PLPP7: variants seen among roughly 807,000 people sequenced by gnomAD.
PLPP7 encodes phospholipid phosphatase 7 (inactive).
PLPP7 carries 11 observed loss-of-function variants against 16.9 expected under a neutral mutation model. The ratio of observed to expected loss-of-function variants is 0.65; its 90% CI spans 0.41 to 1.08. The LOEUF is 1.08. Among genes scored for constraint, PLPP7 ranks in the 50% least tolerant of loss-of-function variants. PLPP7 has a pLI of 0.00. For synonymous variants in PLPP7, 174 were observed against 175.1 expected (o/e 0.99, Z 0.05); for missense variants, 358 against 397.1 (o/e 0.90, Z 0.84).
intron 1 of PLPP7, among the ~76,000 whole-genome samples, chr9:131,301,713 A>G (rs1372097975): frequency 6.6e-6 from 1 of 152,108 alleles, no homozygotes; most frequent in Non-Finnish European, 1.5e-5. Context: ...GTATGCTGTC[A>G]GCCACCACAC....
chr9:131,305,534 AC>A (rs1376611718), intron 1 of PLPP7, among the ~76,000 whole-genome samples: 1 of 152,046 alleles, frequency 6.6e-6, no homozygotes, highest in Non-Finnish European at 1.5e-5. Context: ...AGCCTGGGCA[AC>A]AGAAAGAGAC....
intron 1 of PLPP7, among the ~76,000 whole-genome samples, chr9:131,304,714 T>C (rs1835835094): frequency 6.6e-6 from 1 of 152,174 alleles, no homozygotes. Flanking sequence ...TCAACTACGT[T>C]TGGAGACTGT....
chr9:131,289,886 G>T lies in PLPP7; in HGVS notation c.-112G>T. On this transcript the variant is annotated 5_prime_UTR_variant, in exon 1 of 2. Transcript: ENST00000372264. ...CACACTATATTTAACAGCTGCGGCGGAGAAGGCAGGGAGGCAGCCACGGTG... is the reference window on the plus strand; with the variant it reads ...CACACTATATTTAACAGCTGCGGCGTAGAAGGCAGGGAGGCAGCCACGGTG... 1 of 827,000 alleles carries T rather than the reference G, an allele frequency of 1.2e-6. No individual in the cohort carries two copies. Among genetic ancestry groups the T allele is most frequent in the Non-Finnish European group, 1.7e-6 (1 of 589,642 alleles). 51.2% of individuals were successfully genotyped at this position (827,000 alleles called of 1,614,324 possible).
chr9:131,304,432 C>T (rs1333010522), intron 1 of PLPP7, among the ~76,000 whole-genome samples: 1 of 152,146 alleles, frequency 6.6e-6, no homozygotes, highest in Non-Finnish European at 1.5e-5. Context: ...GTCAGGAGTT[C>T]GAGACCAGCC....
chr9:131,291,557 CT>C (rs940950338), intron 1 of PLPP7: 5,343 of 161,746 alleles, frequency 0.033, 2 homozygotes, highest in Non-Finnish European at 0.049. Context: ...TTTCTTGTTC[CT>C]TTTTTTTTTT....
chr9:131,292,834 A>G, intron 1 of PLPP7: 1 of 985,306 alleles, frequency 1.0e-6, no homozygotes, highest in Non-Finnish European at 1.2e-6. Context: ...ACATTGAAAA[A>G]TTTGCAACCT....
chr9:131,308,538 C>CTCCAAGT lies in PLPP7; in HGVS notation c.*251_*252insTCCAAGT. 1.7e-6 allele frequency: 1 copy of CTCCAAGT among 593,056 alleles called. No homozygotes were observed. The highest frequency in any genetic ancestry group is 1.9e-5 in the African/African-American group (1 of 53,882). 36.7% of individuals were successfully genotyped at this position (593,056 alleles called of 1,614,324 possible). ...AAGTCTCCTCTCTAGGCAGCCAGGA[C>CTCCAAGT]CCACCCATGGGGACAGCCCTATTTA... On this transcript the variant is annotated 3_prime_UTR_variant, in exon 2 of 2. Transcript: ENST00000372264.
intron 1 of PLPP7, chr9:131,291,520 G>T: frequency 1.2e-5 from 6 of 489,192 alleles, no homozygotes; most frequent in Non-Finnish European, 1.3e-5. Context: ...TCATGCAGGA[G>T]ATGGCTGGGT....
rs1208048161 is a variant in PLPP7 at position 131,290,313 on chromosome 9, T to C, written c.316T>C (p.Trp106Arg). The change falls in exon 1 of 2, where the codon TGG becomes CGG. Residue 106 changes from tryptophan (W) to arginine (R), a missense_variant. Physicochemically the swap from Trp to Arg is moderately radical, Grantham distance 101. Transcript: ENST00000372264. This position sits in a 1 kb window ranked among gnomAD's most constrained non-coding sequence, Gnocchi z 4.2. Reference protein sequence around the residue: ...LGVCAGRAASWASARSMVKLI... With the variant: ...LGVCAGRAASRASARSMVKLI... ...GGTGTGCGCTGGCCGGGCGGCGTCC[T>C]GGGCCAGTGCCCGCTCCATGGTCAA... 2 of 1,611,744 alleles carry C rather than the reference T, an allele frequency of 1.2e-6. No individual in the cohort carries two copies. Among genetic ancestry groups the C allele is most frequent in the East Asian group, 4.5e-5 (2 of 44,852 alleles).
In PLPP7 at chr9:131,308,362, G is replaced by A. The variant is rs970624096; in HGVS notation, c.*75G>A. 2.9e-5 allele frequency: 43 copies of A among 1,478,854 alleles called. No individual in the cohort carries two copies. Among genetic ancestry groups the A allele is most frequent in the Non-Finnish European group, 3.6e-5 (40 of 1,116,056 alleles). 91.6% of individuals were successfully genotyped at this position (1,478,854 alleles called of 1,614,324 possible). A position where few individuals can be genotyped will look rare whatever the true frequency, so the allele number is the denominator to read the frequency against. On this transcript the variant is annotated 3_prime_UTR_variant, in exon 2 of 2. Transcript: ENST00000372264. The stretch of plus-strand genomic sequence containing the variant: ...AAGGGGCAGGGGGTGGCGAGGTGGC[G>A]GGCGTGGGTGGAACAGAGCGGCCAG...
rs1835888212 is a variant in PLPP7 at position 131,308,915 on chromosome 9, G to A, written c.*628G>A. 2 of 152,498 alleles carry A rather than the reference G, an allele frequency of 1.3e-5. No homozygotes were observed. The highest frequency in any genetic ancestry group is 4.8e-5 in the African/African-American group (2 of 41,588). The allele number at this position is 152,498 out of a possible 1,614,324, so 9.4% of individuals were successfully genotyped here. On this transcript the variant is annotated 3_prime_UTR_variant, in exon 2 of 2. Coordinates refer to ENST00000372264, the MANE Select transcript of PLPP7 (RefSeq NM_032728.4). ...CGTAAAGGCTCTGACAAGCCCTATAGAAAAGCTTCTTGCTAAACCTTCTTT... is the reference window on the plus strand; with the variant it reads ...CGTAAAGGCTCTGACAAGCCCTATAAAAAAGCTTCTTGCTAAACCTTCTTT...
intron 1 of PLPP7, chr9:131,291,190 G>T: frequency 7.3e-7 from 1 of 1,363,652 alleles, no homozygotes; most frequent in South Asian, 1.1e-5. Flanking sequence ...GTGATGCCCA[G>T]CCCCCGTCCG....
rs556541197 is a variant in PLPP7, at chr9:131,307,476, C to T, written c.452-447C>T. Among the ~76,000 whole-genome samples, 11 of 137,148 alleles carry T rather than the reference C, an allele frequency of 8.0e-5. 1 individual carries two copies. Among genetic ancestry groups the T allele is most frequent in the South Asian group, 4.8e-4 (2 of 4,166 alleles). The allele number at this position is 137,148 out of a possible 152,430, so 90.0% of individuals were successfully genotyped here. ...CCGAGGCAGGAGAATCGCTTGAATC[C>T]GGGAGGCGGAGGTTCCAGTGAGCCA... On this transcript the variant is annotated intron_variant, in intron 1 of 1. Transcript: ENST00000372264.
intron 1 of PLPP7, 57 bp from the exon 2 acceptor site, chr9:131,307,866 G>A (rs1835870718): frequency 4.0e-6 from 6 of 1,488,504 alleles, no homozygotes; most frequent in Middle Eastern, 1.8e-4. Context: ...GGGGGGCCAG[G>A]GCCTGGGCCT....
rs554352632 is a variant in PLPP7, at chr9:131,292,715, G to A, written c.451+2267G>A. 15 of 838,092 alleles carry A rather than the reference G, an allele frequency of 1.8e-5. No individual in the cohort carries two copies. The East Asian group carries it at 7.4e-4, about 41-fold the overall frequency. The allele number at this position is 838,092 out of a possible 1,614,324, so 51.9% of individuals were successfully genotyped here. On this transcript the variant is annotated intron_variant, in intron 1 of 1. Coordinates refer to ENST00000372264, the MANE Select transcript of PLPP7 (RefSeq NM_032728.4). Reference sequence around the variant, plus strand: ...GCTCTAGTAAGGGGGTGAGCTCCCCGTGGTAGGAGGTATGCAAGCAAGCTG... The same window carrying A: ...GCTCTAGTAAGGGGGTGAGCTCCCCATGGTAGGAGGTATGCAAGCAAGCTG...
At chr9:131,303,263 C>T (rs1253655062) in intron 1 of PLPP7, among the ~76,000 whole-genome samples, 3 of 139,290 alleles carry the variant, frequency 2.2e-5, no homozygotes, top group African/African-American at 5.4e-5. Flanking sequence ...ACCTGGGAAG[C>T]GGAGGTTGTG....
At position 131,289,849 on chromosome 9, in the gene PLPP7, T is replaced by C. The variant is rs1366445935; in HGVS notation, c.-149T>C. ...GGGTGGCAGAGGAGATAAACAGCCA[T>C]GTGCAACTCTCCACACTATATTTAA... On this transcript the variant is annotated 5_prime_UTR_variant, in exon 1 of 2. It removes an upstream start codon present in the reference 5' UTR. Coordinates refer to ENST00000372264, the MANE Select transcript of PLPP7 (RefSeq NM_032728.4). 1 of 549,426 alleles carries C rather than the reference T, an allele frequency of 1.8e-6. No individual in the cohort carries two copies. Among genetic ancestry groups the C allele is most frequent in the Non-Finnish European group, 2.8e-6 (1 of 358,340 alleles). The allele number at this position is 549,426 out of a possible 1,614,324, so 34.0% of individuals were successfully genotyped here. A position where few individuals can be genotyped will look rare whatever the true frequency, so the allele number is the denominator to read the frequency against.
intron 1 of PLPP7, chr9:131,292,917 G>C (rs1835697686): frequency 3.7e-5 from 36 of 985,424 alleles, no homozygotes; most frequent in Non-Finnish European, 4.3e-5. Context: ...TGCCCCACAG[G>C]ATAAAGATGA....
At chr9:131,305,213 C>T (rs536935469) in intron 1 of PLPP7, among the ~76,000 whole-genome samples, 11 of 152,258 alleles carry the variant, frequency 7.2e-5, no homozygotes, top group South Asian at 2.1e-4. Context: ...TCACGGCAGC[C>T]GAAAGGCGCA....
Sources: allele counts gnomAD v4.1 joint callset (sites outside exome capture counted in the v4.1 genomes callset), GRCh38; gene constraint gnomAD v4.1.1; non-coding constraint Gnocchi (gnomAD v3.1); transcripts MANE v1.5; gene names NCBI Gene and HGNC (gene_info 2026-07-23, HGNC 2026-07-21).